FRAS1: variants seen among roughly 807,000 people sequenced by gnomAD.
FRAS1 encodes the protein Fraser extracellular matrix complex subunit 1, also known as extracellular matrix organizing protein FRAS1.
In FRAS1, 290 loss-of-function variants were observed where a neutral mutation model predicts 435.2. The observed-to-expected ratio is 0.67, with a 90% CI of 0.61 to 0.73. The LOEUF (loss-of-function observed/expected upper bound fraction) is 0.73, where lower values mean the gene tolerates loss of function less well. Among genes scored for constraint, FRAS1 ranks in the 30% least tolerant of loss-of-function variants. The pLI is 0.00. For synonymous variants in FRAS1, 1,800 were observed against 1,851.0 expected, an observed-to-expected ratio of 0.97 and a Z score of 0.71; for missense variants, 4,860 against 5,001.5, an observed-to-expected ratio of 0.97 and a Z score of 0.85.
At chr4:78,334,604 C>T (rs1375361986) in intron 19 of FRAS1, among the ~76,000 whole-genome samples, 3 of 151,574 alleles carry the variant, frequency 2.0e-5, no homozygotes, top group Admixed American at 1.3e-4. Flanking sequence ...CTCGTGACCT[C>T]GTGATCCACC....
rs376623888 is a variant in FRAS1, at chr4:78,286,239, A to G, written c.1400-166A>G. The stretch of plus-strand genomic sequence containing the variant: ...TAAAGCACTTCAAACAGTGGCTGAC[A>G]TGAACTGTGTGCTATACAGATGATG... On this transcript the variant is annotated intron_variant, in intron 13 of 73. Transcript: ENST00000512123. The G allele has an allele frequency of 1.1e-4, 83 of 771,668 alleles. No homozygotes were observed. In the African/African-American group the frequency reaches 1.2e-3, roughly 11 times the overall value. 47.8% of individuals were successfully genotyped at this position (771,668 alleles called of 1,614,324 possible). A position where few individuals can be genotyped will look rare whatever the true frequency, so the allele number is the denominator to read the frequency against.
At chr4:78,301,961 A>T (rs1056229741) in intron 14 of FRAS1, among the ~76,000 whole-genome samples, 1 of 148,922 alleles carries the variant, frequency 6.7e-6, no homozygotes, top group Non-Finnish European at 1.5e-5. Context: ...CCTCTAACTC[A>T]TCATTTAGCA....
intron 10 of FRAS1, among the ~76,000 whole-genome samples, chr4:78,280,892 A>G (rs1397341954): frequency 6.6e-6 from 1 of 152,162 alleles, no homozygotes. Context: ...ATTGTTTCCT[A>G]GTGGTAGATC....
At chr4:78,308,325 T>G (rs1183752338) in intron 15 of FRAS1, 116 bp downstream of exon 15, 28 of 1,047,126 alleles carry the variant, frequency 2.7e-5, no homozygotes, top group Non-Finnish European at 3.5e-5. Flanking sequence ...TATATGTGAA[T>G]AGCTGCTGAG....
chr4:78,413,313 C>T (rs920738325), intron 32 of FRAS1, among the ~76,000 whole-genome samples: 7 of 152,196 alleles, frequency 4.6e-5, no homozygotes, highest in African/African-American at 1.2e-4. Flanking sequence ...TCCCATCCAT[C>T]GCTGATGTCC....
chr4:78,080,695 G>T (rs575285901), intron 2 of FRAS1, among the ~76,000 whole-genome samples: 1 of 152,276 alleles, frequency 6.6e-6, no homozygotes, highest in East Asian at 1.9e-4. Flanking sequence ...CATTCTGTAG[G>T]TGCATATTAA....
At chr4:78,344,093 G>A (rs1308009985) in intron 20 of FRAS1, among the ~76,000 whole-genome samples, 1 of 127,148 alleles carries the variant, frequency 7.9e-6, no homozygotes, top group Non-Finnish European at 1.6e-5. Context: ...ATCCCTCAAT[G>A]CCTGGTTCAG....
chr4:78,290,333 G>C (rs1274445294), intron 14 of FRAS1, among the ~76,000 whole-genome samples: 2 of 152,142 alleles, frequency 1.3e-5, no homozygotes, highest in African/African-American at 4.8e-5. Flanking sequence ...TGTACTGCAG[G>C]GCAAATGCTG....
intron 4 of FRAS1, among the ~76,000 whole-genome samples, chr4:78,247,337 A>G (rs2110126569): frequency 6.6e-6 from 1 of 152,250 alleles, no homozygotes. Context: ...AAAATGTTAT[A>G]TTTCTGGTAT....
chr4:78,306,870 A>G (rs1403496018), intron 14 of FRAS1, among the ~76,000 whole-genome samples: 2 of 152,172 alleles, frequency 1.3e-5, no homozygotes, highest in East Asian at 3.9e-4. Flanking sequence ...CAGCTCGTCA[A>G]AGTCATTCTC....
intron 34 of FRAS1, among the ~76,000 whole-genome samples, chr4:78,423,424 C>G (rs1733872655): frequency 1.9e-5 from 1 of 53,940 alleles, no homozygotes; most frequent in Admixed American, 1.7e-4. Context: ...CTTGGCCTCC[C>G]AAAGTGCTGG....
chr4:78,318,661 T>A, intron 17 of FRAS1, 149 bp from the exon 18 acceptor site: 1 of 709,484 alleles, frequency 1.4e-6, no homozygotes. Context: ...AACATTATTA[T>A]CACTCTGTGC....
At chr4:78,198,076 G>T (rs1043732944) in intron 2 of FRAS1, among the ~76,000 whole-genome samples, 7 of 152,260 alleles carry the variant, frequency 4.6e-5, no homozygotes, top group South Asian at 2.1e-4. Flanking sequence ...GCAGGAGAGT[G>T]ACAGTTCCAT....
At chr4:78,263,724 T>C (rs149748530) in intron 6 of FRAS1, among the ~76,000 whole-genome samples, 1 of 152,302 alleles carries the variant, frequency 6.6e-6, no homozygotes, top group East Asian at 1.9e-4. Flanking sequence ...ACATATTCCA[T>C]TAAACAATCA....
chr4:78,536,103 T>C (rs980925111), intron 71 of FRAS1, among the ~76,000 whole-genome samples: 1 of 152,058 alleles, frequency 6.6e-6, no homozygotes, highest in Non-Finnish European at 1.5e-5. Flanking sequence ...GTTAGTTGCA[T>C]GTAAAGAGCT....
At chr4:78,276,215 T>C (rs138978258) in intron 9 of FRAS1, among the ~76,000 whole-genome samples, 2,137 of 152,316 alleles carry the variant, frequency 0.014, 55 homozygotes, top group African/African-American at 0.048. Context: ...TAGCCATTTG[T>C]CTAATCTTTT....
chr4:78,387,831 A>G (rs1732281877), intron 29 of FRAS1, 130 bp downstream of exon 29: 2 of 608,740 alleles, frequency 3.3e-6, no homozygotes, highest in Admixed American at 3.3e-5. Context: ...AACCTATTAT[A>G]TAGAGGGCAC....
chr4:78,196,127 C>T (rs1405496425), intron 2 of FRAS1, among the ~76,000 whole-genome samples: 1 of 152,098 alleles, frequency 6.6e-6, no homozygotes, highest in African/African-American at 2.4e-5. Context: ...CCTGCCTCAG[C>T]CTCCTGAGTA....
At chr4:78,169,413 G>C (rs752628477) in intron 2 of FRAS1, among the ~76,000 whole-genome samples, 1 of 151,978 alleles carries the variant, frequency 6.6e-6, no homozygotes, top group African/African-American at 2.4e-5. Flanking sequence ...CGACTCTGCC[G>C]CTTACCTGGT....
Sources: gnomAD v4.1 joint callset for allele counts (sites outside exome capture counted in the v4.1 genomes callset) on GRCh38, gnomAD v4.1.1 for gene constraint, MANE v1.5 for transcripts, NCBI Gene and HGNC (gene_info 2026-07-23, HGNC 2026-07-21) for gene names.